The following NUP210L variants were observed in gnomAD, a reference collection of about 807,000 sequenced individuals.
The protein encoded by NUP210L is nuclear pore membrane glycoprotein 210-like.
NUP210L carries 74 observed loss-of-function variants against 208.5 expected under a neutral mutation model. That is an observed-to-expected ratio of 0.35 (90% confidence interval 0.29 to 0.43). The LOEUF (loss-of-function observed/expected upper bound fraction) is 0.43, where lower values mean the gene tolerates loss of function less well. Among genes scored for constraint, NUP210L ranks in the 20% least tolerant of loss-of-function variants. The pLI, the probability that NUP210L is intolerant of heterozygous loss-of-function variation, is 1.00. For missense variants in NUP210L, 1,843 were observed against 2,289.4 expected (o/e 0.81, Z 3.98); for synonymous variants, 780 against 816.9 (o/e 0.95, Z 0.77).
intron 12 of NUP210L, among the ~76,000 whole-genome samples, chr1:154,113,167 A>ATATAT (rs35579455): frequency 6.6e-4 from 96 of 144,534 alleles, no homozygotes; most frequent in East Asian, 2.2e-3. Flanking sequence ...TAAAAAAAAA[A>ATATAT]ATATATATAT....
intron 6 of NUP210L, among the ~76,000 whole-genome samples, chr1:154,136,677 G>A (rs2494667): frequency 0.39 from 59,145 of 151,082 alleles, 12,566 homozygotes; most frequent in Non-Finnish European, 0.5. Context: ...TCCCAGCACC[G>A]TGGGAAGCCG....
intron 32 of NUP210L, among the ~76,000 whole-genome samples, chr1:154,019,333 A>G (rs775186196): frequency 1.3e-5 from 2 of 152,216 alleles, no homozygotes; most frequent in African/African-American, 2.4e-5. Flanking sequence ...TTTTACATAC[A>G]GGGATAACTT....
intron 1 of NUP210L, among the ~76,000 whole-genome samples, chr1:154,154,576 G>A (rs1378203464): frequency 6.6e-6 from 1 of 152,110 alleles, no homozygotes; most frequent in Non-Finnish European, 1.5e-5. Context: ...CACACACAGA[G>A]AAGAGGCCAG....
At chr1:154,121,754 C>A (rs1657624997) in intron 10 of NUP210L, among the ~76,000 whole-genome samples, 1 of 151,898 alleles carries the variant, frequency 6.6e-6, no homozygotes, top group Non-Finnish European at 1.5e-5. Context: ...GTAATCCCAG[C>A]TACTCGGGAG....
At chr1:154,081,547 G>A (rs1159193991) in intron 16 of NUP210L, among the ~76,000 whole-genome samples, 1 of 152,184 alleles carries the variant, frequency 6.6e-6, no homozygotes, top group Non-Finnish European at 1.5e-5. Context: ...CATGTGATTA[G>A]AAGGATGAGG....
chr1:154,004,452 C>G (rs1162902427), intron 35 of NUP210L, among the ~76,000 whole-genome samples: 1 of 151,644 alleles, frequency 6.6e-6, no homozygotes, highest in East Asian at 1.9e-4. Context: ...ACTTCAAGCT[C>G]TGCCTCCCTG....
At chr1:154,149,254 T>C (rs1018668193) in intron 2 of NUP210L, among the ~76,000 whole-genome samples, 1 of 151,950 alleles carries the variant, frequency 6.6e-6, no homozygotes, top group African/African-American at 2.4e-5. Context: ...CCCAGCTAAT[T>C]TTTGTATTTT....
chr1:154,142,759 C>T (rs1453467976), intron 3 of NUP210L, among the ~76,000 whole-genome samples: 10 of 151,934 alleles, frequency 6.6e-5, no homozygotes, highest in East Asian at 1.9e-4. Context: ...TGTGGTGGCG[C>T]GTGCCTGTAT....
chr1:154,151,365 G>C (rs1267562894), intron 2 of NUP210L, among the ~76,000 whole-genome samples: 1 of 151,656 alleles, frequency 6.6e-6, no homozygotes, highest in Non-Finnish European at 1.5e-5. Flanking sequence ...CATCTTACAA[G>C]TCCTCTCAGC....
intron 38 of NUP210L, among the ~76,000 whole-genome samples, chr1:153,994,688 T>G (rs568975335): frequency 6.6e-6 from 1 of 152,116 alleles, no homozygotes; most frequent in African/African-American, 2.4e-5. Context: ...TTATATGTGA[T>G]AAGTGGCTAA....
At position 154,070,514 on chromosome 1, in the gene NUP210L, C is replaced by T. The variant is rs200847004; in HGVS notation, c.2362-49G>A. ...AAACAACAATTTAAAAATCAATAGC[C>T]TAAGGGGTAGTAAGATATCTCTAAA... On this transcript the variant is annotated intron_variant, in intron 16 of 39. Coordinates refer to ENST00000368559, the Ensembl canonical transcript of NUP210L. 81 of 1,225,002 alleles carry T rather than the reference C, an allele frequency of 6.6e-5. No homozygotes were observed. The African/African-American group carries it at 1.1e-3, about 17-fold the overall frequency. The allele number at this position is 1,225,002 out of a possible 1,614,324, so 75.9% of individuals were successfully genotyped here.
At chr1:154,070,165 C>T (rs1486148666) in intron 17 of NUP210L, 108 bp downstream of exon 17, 3 of 826,030 alleles carry the variant, frequency 3.6e-6, no homozygotes, top group Middle Eastern at 2.4e-4. Context: ...CAAACCTGCA[C>T]GTTGTGCACA....
chr1:154,094,923 C>T lies in NUP210L; in HGVS notation c.2187+12G>A. ...ACACTAAAGAAAATGTTATAAAAAA[C>T]TGTTTTCCTACTTGTTCCCCTAAAT... On this transcript the variant is annotated intron_variant, in intron 15 of 39. Coordinates refer to ENST00000368559, the Ensembl canonical transcript of NUP210L. 2 of 1,599,680 alleles carry T rather than the reference C, an allele frequency of 1.3e-6. No homozygotes were observed. Among genetic ancestry groups the T allele is most frequent in the Non-Finnish European group, 1.7e-6 (2 of 1,167,162 alleles).
intron 33 of NUP210L, among the ~76,000 whole-genome samples, chr1:154,013,267 T>A (rs1199129848): frequency 2.0e-5 from 3 of 151,956 alleles, no homozygotes; most frequent in Non-Finnish European, 2.9e-5. Flanking sequence ...TCCCTTTGTA[T>A]GACTCCCTAT....
At chr1:154,037,643 A>G (rs983926007) in intron 27 of NUP210L, among the ~76,000 whole-genome samples, 6 of 151,994 alleles carry the variant, frequency 3.9e-5, no homozygotes, top group Non-Finnish European at 8.8e-5. Context: ...AAATCCTTTC[A>G]GCCACTCTAT....
chr1:154,096,371 C>T (rs1408823445), intron 14 of NUP210L, among the ~76,000 whole-genome samples: 1 of 152,064 alleles, frequency 6.6e-6, no homozygotes, highest in African/African-American at 2.4e-5. Flanking sequence ...TATGAGGATA[C>T]AGTAATAGAA....
rs1182033692 is a variant in NUP210L at position 154,023,113 on chromosome 1, C to G, written c.4298+9G>C. Reference sequence around the variant, plus strand: ...CATAGTGTCAATACCATTCCTTTGACTTCCATACCTGTTCAGAGCCAGATA... The same window carrying G: ...CATAGTGTCAATACCATTCCTTTGAGTTCCATACCTGTTCAGAGCCAGATA... On this transcript the variant is annotated intron_variant, in intron 31 of 39. Coordinates refer to ENST00000368559, the Ensembl canonical transcript of NUP210L. The G allele has an allele frequency of 6.2e-7, 1 of 1,612,176 alleles. No homozygotes were observed. The highest frequency in any genetic ancestry group is 8.5e-7 in the Non-Finnish European group (1 of 1,178,672).
chr1:154,052,836 T>A (rs924477807), intron 25 of NUP210L, among the ~76,000 whole-genome samples: 1 of 152,176 alleles, frequency 6.6e-6, no homozygotes, highest in African/African-American at 2.4e-5. Flanking sequence ...TATTGATTGG[T>A]CCCCAAAGGG....
At chr1:153,998,061 A>G (rs1649999496) in intron 37 of NUP210L, among the ~76,000 whole-genome samples, 1 of 151,982 alleles carries the variant, frequency 6.6e-6, no homozygotes, top group Non-Finnish European at 1.5e-5. Flanking sequence ...TAGGAACATG[A>G]ATATATCTGT....
Sources: allele counts gnomAD v4.1 joint callset (sites outside exome capture counted in the v4.1 genomes callset), GRCh38; gene constraint gnomAD v4.1.1; transcripts MANE v1.5; gene names NCBI Gene and HGNC (gene_info 2026-07-23, HGNC 2026-07-21).